The following MAGI2 variants were observed in gnomAD, a reference collection of about 807,000 sequenced individuals.
The protein encoded by MAGI2 is membrane associated guanylate kinase, WW and PDZ domain containing 2.
Under a neutral mutation model 133.3 loss-of-function variants are expected in MAGI2, and 35 were observed. The ratio of observed to expected loss-of-function variants is 0.26; its 90% confidence interval spans 0.20 to 0.35. The LOEUF (loss-of-function observed/expected upper bound fraction) is 0.35, where lower values mean the gene tolerates loss of function less well. Among genes scored for constraint, MAGI2 ranks in the 10% least tolerant of loss-of-function variants. The pLI, the probability that MAGI2 is intolerant of heterozygous loss-of-function variation, is 1.00. For missense variants in MAGI2, 1,636 were observed against 1,863.4 expected, an observed-to-expected ratio of 0.88 and a Z score of 2.25; for synonymous variants, 729 against 710.6, an observed-to-expected ratio of 1.03 and a Z score of -0.41.
chr7:79,150,503 T>C (rs1223953024), intron 1 of MAGI2, among the ~76,000 whole-genome samples: 1 of 152,204 alleles, frequency 6.6e-6, no homozygotes, highest in Non-Finnish European at 1.5e-5. Context: ...TTGGCAGAAA[T>C]TTATACTTGT....
At chr7:78,294,389 G>A (rs1364907007) in intron 9 of MAGI2, among the ~76,000 whole-genome samples, 4 of 152,102 alleles carry the variant, frequency 2.6e-5, no homozygotes, top group South Asian at 2.1e-4. Flanking sequence ...GCATTATTTA[G>A]TGTAGTTTCT....
intron 2 of MAGI2, among the ~76,000 whole-genome samples, chr7:78,962,337 G>A (rs533670040): frequency 1.3e-4 from 20 of 152,086 alleles, no homozygotes; most frequent in African/African-American, 3.6e-4. Context: ...TTAAAACTTC[G>A]TCTCAAATGG....
intron 2 of MAGI2, among the ~76,000 whole-genome samples, chr7:78,974,768 C>T (rs879474803): frequency 6.6e-6 from 1 of 151,606 alleles, no homozygotes; most frequent in Non-Finnish European, 1.5e-5. Context: ...ATTCCCATGC[C>T]CAACAGTATC....
At chr7:79,006,807 C>G (rs1378140911) in intron 2 of MAGI2, 1 of 268,336 alleles carries the variant, frequency 3.7e-6, no homozygotes, top group Non-Finnish European at 6.9e-6. Flanking sequence ...GAATCACCAA[C>G]AGTCTGGACT....
chr7:79,380,927 G>A (rs1843731355), intron 1 of MAGI2, among the ~76,000 whole-genome samples: 1 of 151,678 alleles, frequency 6.6e-6, no homozygotes, highest in Non-Finnish European at 1.5e-5. Flanking sequence ...TACACACTTG[G>A]TATGTAATTT....
intron 2 of MAGI2, among the ~76,000 whole-genome samples, chr7:78,960,335 T>A (rs1802734306): frequency 6.6e-6 from 1 of 152,152 alleles, no homozygotes; most frequent in African/African-American, 2.4e-5. Flanking sequence ...GGTAATGTGT[T>A]CATTCATATA....
At chr7:79,179,782 G>A (rs898164774) in intron 1 of MAGI2, among the ~76,000 whole-genome samples, 11 of 151,976 alleles carry the variant, frequency 7.2e-5, no homozygotes, top group South Asian at 2.1e-4. Context: ...ACTCAAGGCG[G>A]ATTAAAAACT....
chr7:78,536,051 G>C (rs575796287), intron 3 of MAGI2, among the ~76,000 whole-genome samples: 1 of 149,558 alleles, frequency 6.7e-6, no homozygotes, highest in South Asian at 2.1e-4. Flanking sequence ...AGACTGATTT[G>C]GGTAATAATA....
chr7:78,526,833 C>T (rs1010427064), intron 3 of MAGI2, among the ~76,000 whole-genome samples: 2 of 151,770 alleles, frequency 1.3e-5, no homozygotes, highest in Admixed American at 1.3e-4. Flanking sequence ...CATGGTGAAA[C>T]TCCATCTCTA....
chr7:78,121,645 ATAACTT>A, intron 20 of MAGI2, among the ~76,000 whole-genome samples: 1 of 152,352 alleles, frequency 6.6e-6, no homozygotes, highest in East Asian at 1.9e-4. Context: ...TAATACAAGT[ATAACTT>A]TGTAAAACCA....
chr7:79,253,804 G>A (rs1039853398), intron 1 of MAGI2, among the ~76,000 whole-genome samples: 2 of 152,082 alleles, frequency 1.3e-5, no homozygotes, highest in South Asian at 4.1e-4. Flanking sequence ...TATTCATGTT[G>A]TATTCAAAGT....
chr7:79,349,920 G>T (rs921977919), intron 1 of MAGI2, among the ~76,000 whole-genome samples: 2 of 151,832 alleles, frequency 1.3e-5, no homozygotes, highest in African/African-American at 4.8e-5. Context: ...AAGAATACTC[G>T]CCACCCTCAC....
intron 6 of MAGI2, among the ~76,000 whole-genome samples, chr7:78,448,727 T>C (rs1584178131): frequency 6.6e-6 from 1 of 152,102 alleles, no homozygotes; most frequent in East Asian, 1.9e-4. Context: ...TAAATATGTA[T>C]ATTTGTATGC....
At chr7:78,733,159 C>T (rs555349649) in intron 2 of MAGI2, among the ~76,000 whole-genome samples, 5 of 152,282 alleles carry the variant, frequency 3.3e-5, no homozygotes, top group African/African-American at 1.2e-4. Flanking sequence ...CAGCAATCCA[C>T]ATAGCAAAAT....
At chr7:78,584,564 A>G (rs1179499992) in intron 3 of MAGI2, among the ~76,000 whole-genome samples, 1 of 152,194 alleles carries the variant, frequency 6.6e-6, no homozygotes, top group Non-Finnish European at 1.5e-5. Flanking sequence ...GCATCAGCAC[A>G]GTGCAGAGCA....
intron 1 of MAGI2, among the ~76,000 whole-genome samples, chr7:79,382,472 G>A (rs1484527370): frequency 2.0e-5 from 3 of 151,526 alleles, no homozygotes; most frequent in Non-Finnish European, 4.4e-5. Flanking sequence ...TTGGGGTTAA[G>A]CCTACAGTAT....
At chr7:79,044,046 A>G (rs1363412919) in intron 1 of MAGI2, among the ~76,000 whole-genome samples, 1 of 152,152 alleles carries the variant, frequency 6.6e-6, no homozygotes, top group Non-Finnish European at 1.5e-5. Flanking sequence ...CAAAAAATTG[A>G]GGAGGTGGGA....
chr7:79,317,485 C>T (rs942248033), intron 1 of MAGI2, among the ~76,000 whole-genome samples: 8 of 152,050 alleles, frequency 5.3e-5, no homozygotes, highest in African/African-American at 1.9e-4. Context: ...ATCTTAGTAA[C>T]GTGTTCCAAA....
At chr7:78,362,591 C>G (rs1792939228) in intron 7 of MAGI2, among the ~76,000 whole-genome samples, 1 of 151,938 alleles carries the variant, frequency 6.6e-6, no homozygotes, top group South Asian at 2.1e-4. Context: ...AAATGATGCC[C>G]CAAATTATAA....
Sources: gnomAD v4.1 joint callset for allele counts (sites outside exome capture counted in the v4.1 genomes callset) on GRCh38, gnomAD v4.1.1 for gene constraint, MANE v1.5 for transcripts, NCBI Gene and HGNC (gene_info 2026-07-23, HGNC 2026-07-21) for gene names.